Variants in PCGF3 observed in about 807,000 individuals in gnomAD.
PCGF3 encodes polycomb group RING finger protein 3.
Under a neutral mutation model 33.1 loss-of-function variants are expected in PCGF3, and 7 were observed. The ratio of observed to expected loss-of-function variants is 0.21; its 90% CI spans 0.12 to 0.40. The LOEUF (loss-of-function observed/expected upper bound fraction) is 0.40. Among genes scored for constraint, PCGF3 ranks in the 10% least tolerant of loss-of-function variants. The pLI, the probability that PCGF3 is intolerant of heterozygous loss-of-function variation, is 1.00. For synonymous variants in PCGF3, 153 were observed against 121.3 expected, an observed-to-expected ratio of 1.26 and a Z score of -1.72; for missense variants, 211 against 313.3, an observed-to-expected ratio of 0.67 and a Z score of 2.46.
chr4:763,838 C>A (rs1289461243), intron 9 of PCGF3, among the ~76,000 whole-genome samples: 4 of 152,210 alleles, frequency 2.6e-5, no homozygotes, highest in African/African-American at 9.7e-5. Context: ...GAAAAATAAA[C>A]CGTGGTGCAT....
rs57908048 is a variant in PCGF3 at position 740,530 on chromosome 4, T to C, written c.263-2944T>C. On this transcript the variant is annotated intron_variant, in intron 6 of 10. Coordinates refer to ENST00000362003, the Ensembl canonical transcript of PCGF3. ...GCTCCTGTCCGTTCCTGGTGAGGGC[T>C]GTGGGGCTCACGCACTCACCAGTCC... Among the ~76,000 whole-genome samples, 1,389 of 152,254 alleles carry C rather than the reference T, an allele frequency of 9.1e-3. 28 individuals carry two copies. Among genetic ancestry groups the C allele is most frequent in the African/African-American group, 0.031 (1,305 of 41,534 alleles).
intron 1 of PCGF3, chr4:723,541 G>A (rs1362792758): frequency 2.5e-5 from 4 of 157,386 alleles, no homozygotes; most frequent in Non-Finnish European, 4.2e-5. Context: ...GTGTGGACGT[G>A]GAGCTTGTGA....
At chr4:760,335 G>C (rs1229917159) in intron 8 of PCGF3, among the ~76,000 whole-genome samples, 1 of 151,354 alleles carries the variant, frequency 6.6e-6, no homozygotes, top group Non-Finnish European at 1.5e-5. Flanking sequence ...TTGAATTGGT[G>C]TGTTTATCTC....
chr4:719,765 C>CA (rs1253627111), intron 1 of PCGF3, among the ~76,000 whole-genome samples: 1 of 152,120 alleles, frequency 6.6e-6, no homozygotes, highest in African/African-American at 2.4e-5. Context: ...GGTGCGGAGA[C>CA]AAAGAGCTGG....
chr4:711,051 A>T (rs966067387), intron 1 of PCGF3, among the ~76,000 whole-genome samples: 3 of 152,266 alleles, frequency 2.0e-5, no homozygotes, highest in Non-Finnish European at 4.4e-5. Context: ...ACTTAGCTCC[A>T]GGGTCCAGGC....
At chr4:738,450 C>T (rs1560207391) in intron 6 of PCGF3, among the ~76,000 whole-genome samples, 2 of 152,226 alleles carry the variant, frequency 1.3e-5, no homozygotes, top group Non-Finnish European at 2.9e-5. Context: ...GAGTTAAATG[C>T]TGACACCTTA....
intron 5 of PCGF3, among the ~76,000 whole-genome samples, chr4:735,362 C>T (rs189060546): frequency 1.3e-5 from 2 of 152,188 alleles, no homozygotes; most frequent in African/African-American, 4.8e-5. Context: ...GCCTGACCAA[C>T]GTGGAGAAAC....
chr4:765,009 T>C, exon 10 of PCGF3: 1 of 1,613,954 alleles, frequency 6.2e-7, no homozygotes, highest in Non-Finnish European at 8.5e-7. Flanking sequence ...AACGAGGAGA[T>C]CCTGGGCAAG....
chr4:716,801 C>T (rs1002516036), intron 1 of PCGF3, among the ~76,000 whole-genome samples: 2 of 135,766 alleles, frequency 1.5e-5, no homozygotes, highest in Non-Finnish European at 3.1e-5. Context: ...TGCTGGGACC[C>T]TGTAGATACT....
chr4:735,871 G>A (rs1460614789), intron 5 of PCGF3, among the ~76,000 whole-genome samples: 3 of 152,220 alleles, frequency 2.0e-5, no homozygotes, highest in Admixed American at 6.5e-5. Context: ...GGGCCAGCCA[G>A]GTGGAGCGTG....
intron 6 of PCGF3, among the ~76,000 whole-genome samples, chr4:738,477 A>G (rs1743935289): frequency 6.6e-6 from 1 of 151,912 alleles, no homozygotes; most frequent in South Asian, 2.1e-4. Flanking sequence ...GTTTGCACCG[A>G]GTGTTTCAGA....
At chr4:712,154 A>G (rs1265592906) in intron 1 of PCGF3, among the ~76,000 whole-genome samples, 3 of 152,188 alleles carry the variant, frequency 2.0e-5, no homozygotes, top group Admixed American at 2.0e-4. Flanking sequence ...TTGATAGTTT[A>G]TCACTGAATT....
At chr4:739,341 C>T (rs1036494160) in intron 6 of PCGF3, among the ~76,000 whole-genome samples, 1 of 152,202 alleles carries the variant, frequency 6.6e-6, no homozygotes, top group Non-Finnish European at 1.5e-5. Flanking sequence ...GCTGGAACTA[C>T]AGGCAAGCAC....
In PCGF3 at chr4:713,433, C is replaced by T. The variant is rs1742667887; in HGVS notation, c.-190+7463C>T. Among the ~76,000 whole-genome samples the T allele has an allele frequency of 3.0e-5, 4 of 131,378 alleles. No individual in the cohort carries two copies. In the Admixed American group the frequency reaches 3.1e-4, roughly 10 times the overall value. 86.2% of individuals were successfully genotyped at this position (131,378 alleles called of 152,430 possible). ...GGCTGTGGCCTCGTGGGGGCTGTGG[C>T]CTCATGGGTCTTGTGTGCCTTGTGG... On this transcript the variant is annotated intron_variant, in intron 1 of 10. Transcript: ENST00000362003.
intron 8 of PCGF3, chr4:757,488 T>C (rs1744819296): frequency 2.6e-5 from 4 of 152,294 alleles, no homozygotes; most frequent in Admixed American, 2.0e-4. Context: ...CATTAAGCTC[T>C]ATTTCTTAAA....
intron 1 of PCGF3, among the ~76,000 whole-genome samples, chr4:723,140 G>A (rs1210984402): frequency 6.7e-6 from 1 of 149,566 alleles, no homozygotes; most frequent in African/African-American, 2.5e-5. Flanking sequence ...TCCACACTCA[G>A]TCATCGCCGT....
intron 8 of PCGF3, among the ~76,000 whole-genome samples, chr4:751,840 G>A (rs1033664206): frequency 3.9e-5 from 6 of 152,204 alleles, no homozygotes; most frequent in South Asian, 2.1e-4. Context: ...TCAGCCGGCC[G>A]CGCTGGCTTC....
intron 6 of PCGF3, among the ~76,000 whole-genome samples, chr4:740,367 T>G (rs1178171944): frequency 6.6e-6 from 1 of 152,258 alleles, no homozygotes; most frequent in African/African-American, 2.4e-5. Flanking sequence ...TGTTTCTTTT[T>G]GTTTTTATAA....
At chr4:742,036 TCTTTC>T (rs1744114834) in intron 6 of PCGF3, among the ~76,000 whole-genome samples, 1 of 152,156 alleles carries the variant, frequency 6.6e-6, no homozygotes, top group African/African-American at 2.4e-5. Flanking sequence ...TCCAGGCTAA[TCTTTC>T]AGCATTTCCC....
Sources: gnomAD v4.1 joint callset for allele counts (sites outside exome capture counted in the v4.1 genomes callset) on GRCh38, gnomAD v4.1.1 for gene constraint, MANE v1.5 for transcripts, NCBI Gene and HGNC (gene_info 2026-07-23, HGNC 2026-07-21) for gene names.